FAM161A: variants seen among roughly 807,000 people sequenced by gnomAD.
The protein encoded by FAM161A is FAM161 centrosomal protein A, also known as protein FAM161A.
In FAM161A, 57 loss-of-function variants were observed where a neutral mutation model predicts 70.9. The ratio of observed to expected loss-of-function variants is 0.80; its 90% CI spans 0.65 to 1.00. The LOEUF is 1.00. Ranked by LOEUF, FAM161A falls within the 50% of genes least tolerant of loss-of-function variation. FAM161A has a pLI of 0.00. For synonymous variants in FAM161A, 299 were observed against 295.7 expected, an observed-to-expected ratio of 1.01 and a Z score of -0.12; for missense variants, 880 against 836.0, an observed-to-expected ratio of 1.05 and a Z score of -0.65.
chr2:61,808,311 C>T, the FAM161A span, among the ~76,000 whole-genome samples: 13 of 150,302 alleles, frequency 8.6e-5, no homozygotes, highest in South Asian at 1.3e-3. Flanking sequence ...CTTGCTCTGT[C>T]GCCCAGTCTG....
chr2:61,839,655 A>G lies in FAM161A; in HGVS notation c.1349T>C (p.Leu450Pro). Residue 450 changes from leucine (L) to proline (P), a missense_variant, in exon 3 of 7, where the codon CTC (leucine) becomes CCC (proline). Leu to Pro is a moderately conservative substitution (Grantham distance 98). Coordinates refer to ENST00000404929, the MANE Select transcript of FAM161A (RefSeq NM_001201543.2). ...ATCAAATGGTTTACACACTGTTAAGAGTTTTGGAGACTTGTGTTCTGAGAG... is the reference window on the plus strand; with the variant it reads ...ATCAAATGGTTTACACACTGTTAAGGGTTTTGGAGACTTGTGTTCTGAGAG... ...KHLSEHKSPK[L>P]LTVCKPFDLH... 2 of 1,614,228 alleles carry G rather than the reference A, an allele frequency of 1.2e-6. No homozygotes were observed. Among genetic ancestry groups the G allele is most frequent in the Non-Finnish European group, 1.7e-6 (2 of 1,180,044 alleles).
At chr2:61,811,990 C>T in the FAM161A span, among the ~76,000 whole-genome samples, 1 of 152,098 alleles carries the variant, frequency 6.6e-6, no homozygotes, top group Non-Finnish European at 1.5e-5. Context: ...CACTGGTTTC[C>T]CTGTAATTCA....
At chr2:61,827,859 G>A (rs1240569844) in intron 5 of FAM161A, among the ~76,000 whole-genome samples, 1 of 152,110 alleles carries the variant, frequency 6.6e-6, no homozygotes, top group East Asian at 1.9e-4. Context: ...TAAATAAATT[G>A]TGGTCTATTC....
At chr2:61,838,498 A>T in intron 4 of FAM161A, 40 bp downstream of exon 4, 1 of 1,539,408 alleles carries the variant, frequency 6.5e-7, no homozygotes, top group Non-Finnish European at 8.8e-7. Context: ...AAAGAGTTTG[A>T]AAACCAGTGG....
rs1023012478 is a variant in FAM161A at position 61,825,960 on chromosome 2, G to C, written c.*495C>G. 1 of 453,850 alleles carries C rather than the reference G, an allele frequency of 2.2e-6. No individual in the cohort carries two copies. The highest frequency in any genetic ancestry group is 2.0e-5 in the African/African-American group (1 of 49,910). The allele number at this position is 453,850 out of a possible 1,614,324, so 28.1% of individuals were successfully genotyped here. ...CGTTTTTTCTATACTTTTAAAAATGGCTCAGAGCAGCAAAACAAGTTAGAG... is the reference window on the plus strand; with the variant it reads ...CGTTTTTTCTATACTTTTAAAAATGCCTCAGAGCAGCAAAACAAGTTAGAG... On this transcript the variant is annotated 3_prime_UTR_variant, in exon 7 of 7. Coordinates refer to ENST00000404929, the MANE Select transcript of FAM161A (RefSeq NM_001201543.2).
chr2:61,836,924 G>T, intron 4 of FAM161A: 1 of 182,022 alleles, frequency 5.5e-6, no homozygotes, highest in Non-Finnish European at 1.2e-5. Flanking sequence ...GGAGTGCAGT[G>T]GTGCAATCAT....
At chr2:61,803,488 G>GA in the FAM161A span, 2 of 570,302 alleles carry the variant, frequency 3.5e-6, no homozygotes, top group Non-Finnish European at 6.4e-6. Flanking sequence ...ATATTGCAAG[G>GA]ATGTTATCTG....
chr2:61,816,024 T>C, the FAM161A span, among the ~76,000 whole-genome samples: 35 of 152,262 alleles, frequency 2.3e-4, no homozygotes, highest in African/African-American at 7.5e-4. Flanking sequence ...CCTAAACCAG[T>C]TACTGCTGGC....
chr2:61,805,440 T>G, the FAM161A span, among the ~76,000 whole-genome samples: 1 of 152,116 alleles, frequency 6.6e-6, no homozygotes, highest in Non-Finnish European at 1.5e-5. Context: ...TGCTTGAACC[T>G]GGGAGACGGA....
At chr2:61,830,489 C>T (rs965857410) in intron 5 of FAM161A, among the ~76,000 whole-genome samples, 5 of 151,226 alleles carry the variant, frequency 3.3e-5, no homozygotes, top group African/African-American at 7.3e-5. Context: ...AGGACCAGCC[C>T]GGCCAACATG....
At chr2:61,839,032 G>A (rs1196854470) in intron 3 of FAM161A, among the ~76,000 whole-genome samples, 1 of 151,400 alleles carries the variant, frequency 6.6e-6, no homozygotes, top group African/African-American at 2.4e-5. Context: ...ACAGGCACCC[G>A]CCACCACGCC....
intron 5 of FAM161A, among the ~76,000 whole-genome samples, chr2:61,828,048 A>G (rs76383157): frequency 1.7e-3 from 266 of 152,338 alleles, no homozygotes; most frequent in African/African-American, 5.6e-3. Context: ...GAGGATAGGT[A>G]CACACACTGT....
chr2:61,809,903 T>C, the FAM161A span, among the ~76,000 whole-genome samples: 4 of 152,316 alleles, frequency 2.6e-5, no homozygotes, highest in Admixed American at 2.6e-4. Flanking sequence ...GAAAGGGTAT[T>C]GGGACTACAT....
the FAM161A span, among the ~76,000 whole-genome samples, chr2:61,805,532 T>A: frequency 6.6e-6 from 1 of 152,040 alleles, no homozygotes; most frequent in Non-Finnish European, 1.5e-5. Context: ...TAAATAAATA[T>A]AAAAACCCTT....
At chr2:61,836,201 G>A in intron 4 of FAM161A, 92 bp from the exon 5 acceptor site, 1 of 931,424 alleles carries the variant, frequency 1.1e-6, no homozygotes, top group Admixed American at 2.2e-5. Flanking sequence ...CTTGTACAAA[G>A]TCAATGAAAA....
the FAM161A span, among the ~76,000 whole-genome samples, chr2:61,800,314 C>A: frequency 6.6e-6 from 1 of 152,176 alleles, no homozygotes; most frequent in Non-Finnish European, 1.5e-5. Context: ...GTCAGCATTG[C>A]GTCTGCATGC....
chr2:61,846,803 G>C, intron 1 of FAM161A: 1 of 386,444 alleles, frequency 2.6e-6, no homozygotes, highest in Non-Finnish European at 5.2e-6. Context: ...GCTTGTGTCA[G>C]TCTAGCAACG....
At chr2:61,802,766 A>G in the FAM161A span, among the ~76,000 whole-genome samples, 2 of 152,234 alleles carry the variant, frequency 1.3e-5, no homozygotes, top group Non-Finnish European at 2.9e-5. Context: ...ACCAGGCACT[A>G]TAGTTGCTAC....
chr2:61,826,590 T>C lies in FAM161A; in HGVS notation c.2016A>G (p.Glu672=), dbSNP rs368402244. 1.9e-6 allele frequency: 3 copies of C among 1,602,134 alleles called. No homozygotes were observed. Among genetic ancestry groups the C allele is most frequent in the Non-Finnish European group, 2.6e-6 (3 of 1,171,692 alleles). Residue 672 remains glutamate, a synonymous_variant, in exon 7 of 7, where the codon GAA becomes GAG. Coordinates refer to ENST00000404929, the MANE Select transcript of FAM161A (RefSeq NM_001201543.2). ...SVTEDKESFN[E]EEKIEERENG... The stretch of plus-strand genomic sequence containing the variant: ...TCTCTCTTTCTTCTATTTTTTCTTC[T>C]TCATTAAAGCTAGGGGAAGAAATTT...
Sources: allele counts gnomAD v4.1 joint callset (sites outside exome capture counted in the v4.1 genomes callset), GRCh38; gene constraint gnomAD v4.1.1; transcripts MANE v1.5; gene names NCBI Gene and HGNC (gene_info 2026-07-23, HGNC 2026-07-21).